The following CELF2 variants were observed in gnomAD, a reference collection of about 807,000 sequenced individuals.
The protein encoded by CELF2 is CUG triplet repeat RNA-binding protein 2.
Under a neutral mutation model 62.6 loss-of-function variants are expected in CELF2, and 8 were observed. The ratio of observed to expected loss-of-function variants is 0.13; its 90% CI spans 0.07 to 0.23. CELF2 has a LOEUF of 0.23. CELF2 is among the 10% of genes least tolerant of loss of function. CELF2 has a pLI of 1.00. For synonymous variants in CELF2, 258 were observed against 250.0 expected (o/e 1.03, Z -0.30); for missense variants, 333 against 671.0 (o/e 0.50, Z 5.56).
rs182124522 is a variant in CELF2, at chr10:11,010,381, C to T, written c.53+4941C>T. ...GAAACCTCAGTGCTAAAAGAACAAT[C>T]GAATCAGTACTGGCCTTCTCTCTTC... is the stretch of plus-strand genomic sequence containing the variant. On this transcript the variant is annotated intron_variant, in intron 1 of 12. Transcript: ENST00000416382. The surrounding 1 kb of genome is among the most constrained non-coding windows in gnomAD (Gnocchi z 4.1). Among the ~76,000 whole-genome samples, 4 of 152,298 alleles carry T rather than the reference C, an allele frequency of 2.6e-5. No homozygotes were observed. The highest frequency in any genetic ancestry group is 9.6e-5 in the African/African-American group (4 of 41,558).
rs1174564924 is a variant in CELF2, at chr10:11,157,504, AACTC to A, written c.75-7981_75-7978del. On this transcript the variant is annotated intron_variant, in intron 1 of 12. Coordinates refer to ENST00000633077, the MANE Select transcript of CELF2 (RefSeq NM_001326342.2). The surrounding 1 kb of genome is among the most constrained non-coding windows in gnomAD (Gnocchi z 4.9). ...CTTAATGAGTCACTTGTTTCTAACT[AACTC>A]CAGGCCTTTATTTATTGCTCTATTA... 6.6e-6 allele frequency among the ~76,000 whole-genome samples: 1 copy of A among 152,188 alleles called. No homozygotes were observed. Among genetic ancestry groups the A allele is most frequent in the Non-Finnish European group, 1.5e-5 (1 of 68,038 alleles).
chr10:10,975,163 T>G (rs1253935115), intron 2 of CELF2, among the ~76,000 whole-genome samples: 1 of 152,130 alleles, frequency 6.6e-6, no homozygotes, highest in Admixed American at 6.6e-5. Context: ...TGTCACCCAG[T>G]CTGCAGTGCA....
At chr10:11,150,000 A>G (rs944568540) in intron 1 of CELF2, among the ~76,000 whole-genome samples, 7 of 152,216 alleles carry the variant, frequency 4.6e-5, no homozygotes, top group African/African-American at 1.7e-4. Context: ...AATTGATACC[A>G]TATGACCCTG....
the CELF2 span, among the ~76,000 whole-genome samples, chr10:10,668,386 T>C: frequency 6.6e-6 from 1 of 152,188 alleles, no homozygotes; most frequent in Non-Finnish European, 1.5e-5. Flanking sequence ...CCCTACCTTG[T>C]GGATTTGACT....
chr10:11,298,680 C>T (rs1352686489), intron 9 of CELF2, among the ~76,000 whole-genome samples: 1 of 152,026 alleles, frequency 6.6e-6, no homozygotes, highest in African/African-American at 2.4e-5. Context: ...CTTGTGGAAA[C>T]ATTGAGGTTT....
At chr10:10,682,892 C>G in the CELF2 span, among the ~76,000 whole-genome samples, 1 of 152,054 alleles carries the variant, frequency 6.6e-6, no homozygotes. Context: ...AAACTGAATT[C>G]TATGGGTCTG....
At chr10:10,543,871 G>A in the CELF2 span, among the ~76,000 whole-genome samples, 1 of 152,198 alleles carries the variant, frequency 6.6e-6, no homozygotes, top group Non-Finnish European at 1.5e-5. Flanking sequence ...TCTGGAGGAT[G>A]ATAAACAAAT....
the CELF2 span, among the ~76,000 whole-genome samples, chr10:10,692,002 C>T: frequency 6.6e-6 from 1 of 151,794 alleles, no homozygotes; most frequent in Non-Finnish European, 1.5e-5. Context: ...TGCAGAAGCT[C>T]TTTAGTTTAA....
At chr10:10,868,084 T>C (rs536686485) in intron 1 of CELF2, among the ~76,000 whole-genome samples, 3 of 152,326 alleles carry the variant, frequency 2.0e-5, no homozygotes, top group Admixed American at 6.5e-5. Context: ...AATTCCTAGA[T>C]CAGTGTTTTG....
chr10:10,547,690 AGAGTGTGT>A, the CELF2 span, among the ~76,000 whole-genome samples: 46 of 131,124 alleles, frequency 3.5e-4, no homozygotes, highest in South Asian at 7.1e-3. Flanking sequence ...AGAGAGAGAG[AGAGTGTGT>A]GTGTGTGTGT....
chr10:10,686,649 T>C, the CELF2 span, among the ~76,000 whole-genome samples: 5 of 152,296 alleles, frequency 3.3e-5, no homozygotes, highest in South Asian at 1.0e-3. Flanking sequence ...TTCACTTGGC[T>C]CTTGCTTCTC....
Position 11,030,164 on chromosome 10 carries a change from G to A in CELF2, c.74+12001G>A, listed in dbSNP as rs145648240. The stretch of plus-strand genomic sequence containing the variant: ...GATTACTAACACTTTAAGGGATGCT[G>A]CCTTCCTGTGGTTACATTTTCTGAA... On this transcript the variant is annotated intron_variant, in intron 1 of 12. Coordinates refer to ENST00000633077, the MANE Select transcript of CELF2 (RefSeq NM_001326342.2). Among the ~76,000 whole-genome samples, 436 of 152,308 alleles carry A rather than the reference G, an allele frequency of 2.9e-3. 6 individuals carry two copies. Among genetic ancestry groups the A allele is most frequent in the East Asian group, 0.023 (120 of 5,184 alleles).
chr10:10,861,309 A>G (rs922131277), intron 1 of CELF2, among the ~76,000 whole-genome samples: 1 of 152,148 alleles, frequency 6.6e-6, no homozygotes, highest in African/African-American at 2.4e-5. Flanking sequence ...CCTGGGCTCA[A>G]GTGATCCTCC....
intron 9 of CELF2, among the ~76,000 whole-genome samples, chr10:11,307,013 G>C (rs1034111120): frequency 1.3e-5 from 2 of 152,198 alleles, no homozygotes; most frequent in Admixed American, 6.5e-5. Flanking sequence ...CTGTGCCTAA[G>C]GAGTTCTCTG....
At chr10:10,974,532 T>C (rs1414691335) in intron 2 of CELF2, among the ~76,000 whole-genome samples, 1 of 152,178 alleles carries the variant, frequency 6.6e-6, no homozygotes, top group African/African-American at 2.4e-5. Context: ...ATGTAATTGA[T>C]CAAACTCAAG....
rs2062630318 is a variant in CELF2, at chr10:11,214,012, A to G, written c.272-3413A>G. Among the ~76,000 whole-genome samples, 1 of 152,234 alleles carries G rather than the reference A, an allele frequency of 6.6e-6. No individual in the cohort carries two copies. The highest frequency in any genetic ancestry group is 1.5e-5 in the Non-Finnish European group (1 of 68,040). The stretch of plus-strand genomic sequence containing the variant: ...TTACTGATGAGACTAGGCCGGGCAC[A>G]GTAGCTCATGCCTATAGTCTAAGGG... On this transcript the variant is annotated intron_variant, in intron 2 of 12. Transcript: ENST00000633077. The surrounding 1 kb of genome is among the most constrained non-coding windows in gnomAD (Gnocchi z 4.2).
At chr10:10,621,842 G>A in the CELF2 span, among the ~76,000 whole-genome samples, 56 of 152,170 alleles carry the variant, frequency 3.7e-4, no homozygotes, top group Admixed American at 3.6e-3. Flanking sequence ...AACCTTAAAT[G>A]TAAGCACCCT....
intron 2 of CELF2, among the ~76,000 whole-genome samples, chr10:11,190,087 T>C (rs1388304056): frequency 6.6e-6 from 1 of 152,262 alleles, no homozygotes; most frequent in Non-Finnish European, 1.5e-5. Context: ...TAAAGATTTA[T>C]GTGCACCTCT....
the CELF2 span, among the ~76,000 whole-genome samples, chr10:10,674,445 A>G: frequency 1.3e-5 from 2 of 152,324 alleles, no homozygotes; most frequent in South Asian, 4.1e-4. Context: ...AAAACATGCA[A>G]TTGAGTCTTG....
Sources: gnomAD v4.1 joint callset for allele counts (sites outside exome capture counted in the v4.1 genomes callset) on GRCh38, gnomAD v4.1.1 for gene constraint, Gnocchi (gnomAD v3.1) non-coding constraint, MANE v1.5 for transcripts, NCBI Gene and HGNC (gene_info 2026-07-23, HGNC 2026-07-21) for gene names.